Variants in ARNT2 observed in about 807,000 individuals in gnomAD.
The protein encoded by ARNT2 is ARNT protein 2.
In ARNT2, 36 loss-of-function variants were observed where a neutral mutation model predicts 91.7. The observed-to-expected ratio is 0.39, with a 90% CI of 0.30 to 0.52. The LOEUF (loss-of-function observed/expected upper bound fraction) is 0.52. Among genes scored for constraint, ARNT2 ranks in the 20% least tolerant of loss-of-function variants. The pLI, the probability that ARNT2 is intolerant of heterozygous loss-of-function variation, is 0.72. For synonymous variants in ARNT2, 365 were observed against 347.1 expected (o/e 1.05, Z -0.57); for missense variants, 775 against 939.3 (o/e 0.83, Z 2.29).
intron 5 of ARNT2, among the ~76,000 whole-genome samples, chr15:80,490,411 C>T (rs1897038566): frequency 6.6e-6 from 1 of 152,234 alleles, no homozygotes; most frequent in Non-Finnish European, 1.5e-5. Context: ...GCTGAAGAAC[C>T]TGCAGCAGCT....
chr15:80,592,201 G>A (rs1401470398), intron 18 of ARNT2, among the ~76,000 whole-genome samples: 1 of 152,130 alleles, frequency 6.6e-6, no homozygotes, highest in Non-Finnish European at 1.5e-5. Flanking sequence ...GAGGATACCT[G>A]GGCACCTTGA....
Position 80,524,295 on chromosome 15 carries a change from T to G in ARNT2, c.877+9890T>G, listed in dbSNP as rs367654489. On this transcript the variant is annotated intron_variant, in intron 8 of 18. Coordinates refer to ENST00000303329, the MANE Select transcript of ARNT2 (RefSeq NM_014862.4). ...AAAAAATGGACACTTTATGTACTGC[T>G]GGTGAAAAAATAGGTTAGTACAAAC... 9.2e-5 allele frequency among the ~76,000 whole-genome samples: 14 copies of G among 152,314 alleles called. No homozygotes were observed. The South Asian group carries it at 2.7e-3, about 29-fold the overall frequency.
intron 5 of ARNT2, among the ~76,000 whole-genome samples, chr15:80,504,323 T>C (rs1431119158): frequency 6.6e-6 from 1 of 152,250 alleles, no homozygotes; most frequent in South Asian, 2.1e-4. Context: ...CTCTTCTTTG[T>C]TGTTGTTGTC....
intron 10 of ARNT2, 127 bp from the exon 11 acceptor site, chr15:80,554,938 A>C: frequency 1.0e-6 from 1 of 977,278 alleles, no homozygotes; most frequent in Non-Finnish European, 1.5e-6. Context: ...TTTTCAAAAA[A>C]TCTGGGGTGG....
intron 3 of ARNT2, among the ~76,000 whole-genome samples, chr15:80,468,283 C>A (rs547542919): frequency 1.8e-4 from 27 of 152,236 alleles, no homozygotes; most frequent in Non-Finnish European, 2.6e-4. Context: ...TCCTCCCCAA[C>A]CCTGAACCTC....
At chr15:80,452,701 C>T (rs1169656103) in intron 2 of ARNT2, among the ~76,000 whole-genome samples, 1 of 152,204 alleles carries the variant, frequency 6.6e-6, no homozygotes, top group Admixed American at 6.5e-5. Context: ...CAAGTCCAGG[C>T]AGAGATGCTC....
intron 8 of ARNT2, among the ~76,000 whole-genome samples, chr15:80,533,951 C>A (rs1424677853): frequency 6.6e-6 from 1 of 152,226 alleles, no homozygotes; most frequent in Non-Finnish European, 1.5e-5. Context: ...CTGTAGCAAA[C>A]ACTGTGTTTA....
intron 1 of ARNT2, among the ~76,000 whole-genome samples, chr15:80,406,466 C>T (rs3910981): frequency 0.85 from 129,983 of 152,256 alleles, 55,764 homozygotes; most frequent in East Asian, 0.99. Context: ...TAAATGAAAA[C>T]ATTTTAGTCC....
chr15:80,533,420 A>G (rs1242578223), intron 8 of ARNT2, among the ~76,000 whole-genome samples: 1 of 152,080 alleles, frequency 6.6e-6, no homozygotes, highest in African/African-American at 2.4e-5. Flanking sequence ...TCATGGAGGA[A>G]CGGTCAACAC....
rs527417551 is a variant in ARNT2 at position 80,562,994 on chromosome 15, C to A, written c.1165-94C>A. On this transcript the variant is annotated intron_variant, in intron 11 of 18. Transcript: ENST00000303329. ...TGCCCCTATTCTGAGGTCCTGCTGG[C>A]CCCTGCCGCAACCCCACTGCCTGCA... 28 of 1,416,114 alleles carry A rather than the reference C, an allele frequency of 2.0e-5. No individual in the cohort carries two copies. The African/African-American group carries it at 3.0e-4, about 15-fold the overall frequency. The allele number at this position is 1,416,114 out of a possible 1,614,324, so 87.7% of individuals were successfully genotyped here.
chr15:80,404,895 G>A lies in ARNT2; in HGVS notation c.31+349G>A, dbSNP rs909958276. 6.6e-6 allele frequency among the ~76,000 whole-genome samples: 1 copy of A among 152,212 alleles called. No homozygotes were observed. The highest frequency in any genetic ancestry group is 1.5e-5 in the Non-Finnish European group (1 of 68,030). On this transcript the variant is annotated intron_variant, in intron 1 of 18. Coordinates refer to ENST00000303329, the MANE Select transcript of ARNT2 (RefSeq NM_014862.4). This position sits in a 1 kb window ranked among gnomAD's most constrained non-coding sequence, Gnocchi z 5.5. The stretch of plus-strand genomic sequence containing the variant: ...CACGCATTTTTCTCTTCCGGTCCCG[G>A]CTTTTGTGGCATCACGGCGTCAGCC...
chr15:80,508,886 G>T (rs893497359), intron 6 of ARNT2, among the ~76,000 whole-genome samples: 4 of 152,190 alleles, frequency 2.6e-5, no homozygotes, highest in African/African-American at 9.7e-5. Flanking sequence ...CGTTGAAGAA[G>T]AGAGAGCTGG....
intron 8 of ARNT2, among the ~76,000 whole-genome samples, chr15:80,530,258 A>G (rs1157935723): frequency 6.6e-6 from 1 of 152,182 alleles, no homozygotes; most frequent in African/African-American, 2.4e-5. Context: ...CAGCTGACCA[A>G]GGTTCACTTG....
intron 14 of ARNT2, among the ~76,000 whole-genome samples, chr15:80,575,448 A>G (rs1898657488): frequency 6.6e-6 from 1 of 152,204 alleles, no homozygotes; most frequent in Admixed American, 6.5e-5. Context: ...GGCACCCTCG[A>G]TGACCGAAGG....
chr15:80,544,069 C>T (rs1897953879), intron 8 of ARNT2, among the ~76,000 whole-genome samples: 1 of 152,214 alleles, frequency 6.6e-6, no homozygotes, highest in Non-Finnish European at 1.5e-5. Flanking sequence ...AAATGTCAGA[C>T]ATTGTAGCTT....
chr15:80,523,758 C>T (rs1897590526), intron 8 of ARNT2, among the ~76,000 whole-genome samples: 1 of 152,120 alleles, frequency 6.6e-6, no homozygotes, highest in African/African-American at 2.4e-5. Flanking sequence ...CAGGTGACTG[C>T]ATCCAGAGAG....
At chr15:80,484,644 G>A (rs1006711133) in intron 5 of ARNT2, among the ~76,000 whole-genome samples, 1 of 152,212 alleles carries the variant, frequency 6.6e-6, no homozygotes, top group Admixed American at 6.5e-5. Flanking sequence ...CCATGAATCT[G>A]GACAGATTTC....
chr15:80,469,726 T>C (rs1896707089), intron 3 of ARNT2, among the ~76,000 whole-genome samples: 1 of 152,170 alleles, frequency 6.6e-6, no homozygotes, highest in Non-Finnish European at 1.5e-5. Flanking sequence ...GCAATTCTTG[T>C]GCTTCAGCCT....
At chr15:80,495,385 C>G (rs1050418803) in intron 5 of ARNT2, among the ~76,000 whole-genome samples, 1 of 152,202 alleles carries the variant, frequency 6.6e-6, no homozygotes, top group Non-Finnish European at 1.5e-5. Context: ...TGAGGTGTCT[C>G]TCTTTTCCTG....
Sources: allele counts gnomAD v4.1 joint callset (sites outside exome capture counted in the v4.1 genomes callset), GRCh38; gene constraint gnomAD v4.1.1; non-coding constraint Gnocchi (gnomAD v3.1); transcripts MANE v1.5; gene names NCBI Gene and HGNC (gene_info 2026-07-23, HGNC 2026-07-21).